Variants in EDA observed in about 807,000 individuals in gnomAD.
EDA encodes ectodysplasin A, also known as ectodysplasin-A.
EDA carries 2 observed loss-of-function variants against 23.6 expected under a neutral mutation model. That is an observed-to-expected ratio of 0.08 (90% CI 0.03 to 0.27). EDA has a LOEUF of 0.27. EDA is among the 10% of genes least tolerant of loss of function. EDA has a pLI of 1.00. For missense variants in EDA, 229 were observed against 324.2 expected (o/e 0.71, Z 2.26); for synonymous variants, 131 against 132.0 (o/e 0.99, Z 0.05).
At chrX:69,664,403 A>G (rs774377493) in intron 1 of EDA, among the ~76,000 whole-genome samples, 1 of 111,686 alleles carries the variant, frequency 9.0e-6, no homozygotes, top group Non-Finnish European at 1.9e-5. Flanking sequence ...GCTGCCATGT[A>G]AGACATGTCT....
intron 1 of EDA, among the ~76,000 whole-genome samples, chrX:69,862,462 T>G (rs1403579895): frequency 9.0e-6 from 1 of 111,623 alleles, no homozygotes; most frequent in Non-Finnish European, 1.9e-5. Flanking sequence ...CATATTTTCT[T>G]GAGACAGAGT....
At chrX:69,666,116 T>C (rs936460905) in intron 1 of EDA, among the ~76,000 whole-genome samples, 8 of 112,425 alleles carry the variant, frequency 7.1e-5, no homozygotes, top group African/African-American at 2.6e-4. Context: ...ATTATTTTTG[T>C]ATAAAAATGT....
intron 1 of EDA, among the ~76,000 whole-genome samples, chrX:69,892,364 G>A (rs1166376975): frequency 9.0e-6 from 1 of 111,435 alleles, no homozygotes; most frequent in Non-Finnish European, 1.9e-5. Context: ...TGCTTCTTGA[G>A]GTGTATTTTA....
intron 2 of EDA, among the ~76,000 whole-genome samples, chrX:70,015,581 TAAAAA>T (rs954059867): frequency 1.8e-5 from 2 of 109,357 alleles, no homozygotes; most frequent in African/African-American, 6.7e-5. Context: ...TAAACAACAA[TAAAAA>T]AAAGAAACTC....
At chrX:69,649,589 CTT>C (rs34800169) in intron 1 of EDA, among the ~76,000 whole-genome samples, 29 of 98,634 alleles carry the variant, frequency 2.9e-4, no homozygotes, top group African/African-American at 3.7e-4. Context: ...GAAATACAGT[CTT>C]TTTTTTTTTT....
At chrX:69,788,966 C>A (rs756413646) in intron 1 of EDA, among the ~76,000 whole-genome samples, 2 of 111,926 alleles carry the variant, frequency 1.8e-5, no homozygotes, top group South Asian at 3.8e-4. Context: ...TAGGACCCTC[C>A]GAGCCAGGTG....
At chrX:69,841,179 T>A (rs2016887886) in intron 1 of EDA, among the ~76,000 whole-genome samples, 1 of 112,095 alleles carries the variant, frequency 8.9e-6, no homozygotes, top group Non-Finnish European at 1.9e-5. Flanking sequence ...AAATAAATAA[T>A]GTATCTAAAA....
chrX:69,801,632 T>C (rs1602422845), intron 1 of EDA, among the ~76,000 whole-genome samples: 1 of 112,092 alleles, frequency 8.9e-6, no homozygotes, highest in Non-Finnish European at 1.9e-5. Context: ...AAGGGATTGT[T>C]ACCAAGAATA....
intron 1 of EDA, among the ~76,000 whole-genome samples, chrX:69,904,679 A>C (rs2018152757): frequency 9.0e-6 from 1 of 111,170 alleles, no homozygotes; most frequent in Non-Finnish European, 1.9e-5. Context: ...CACCCTCCCC[A>C]CTAGCCTTCC....
At chrX:69,980,469 G>A (rs944260374) in intron 2 of EDA, among the ~76,000 whole-genome samples, 3 of 112,193 alleles carry the variant, frequency 2.7e-5, no homozygotes, top group Non-Finnish European at 3.8e-5. Flanking sequence ...ACAAAATACT[G>A]TAGCAAAAGA....
chrX:69,869,524 T>C (rs1290534637), intron 1 of EDA, among the ~76,000 whole-genome samples: 1 of 111,506 alleles, frequency 9.0e-6, no homozygotes, highest in African/African-American at 3.3e-5. Flanking sequence ...TCCCCTTCAT[T>C]CAAGGGGTTC....
intron 1 of EDA, among the ~76,000 whole-genome samples, chrX:69,651,990 G>A (rs113868329): frequency 3.2e-4 from 35 of 111,004 alleles, no homozygotes; most frequent in South Asian, 2.0e-3. Flanking sequence ...GGGCAAGATC[G>A]TCAGGGCAGA....
chrX:69,722,002 C>G (rs2012601058), intron 1 of EDA, among the ~76,000 whole-genome samples: 1 of 111,171 alleles, frequency 9.0e-6, no homozygotes, highest in African/African-American at 3.3e-5. Context: ...ATTTGCCTCT[C>G]TCTAGACTTC....
At chrX:69,835,854 C>G (rs1425720757) in intron 1 of EDA, among the ~76,000 whole-genome samples, 1 of 111,980 alleles carries the variant, frequency 8.9e-6, no homozygotes, top group Non-Finnish European at 1.9e-5. Context: ...TTGGTTTTAT[C>G]TACCTTTGGT....
At chrX:69,711,670 A>C (rs1444128863) in intron 1 of EDA, among the ~76,000 whole-genome samples, 6 of 110,985 alleles carry the variant, frequency 5.4e-5, no homozygotes, top group African/African-American at 1.3e-4. Context: ...TCAATTTCAG[A>C]TCCTGTTATT....
At chrX:69,676,484 C>CTG (rs372593855) in intron 1 of EDA, among the ~76,000 whole-genome samples, 8,920 of 106,292 alleles carry the variant, frequency 0.084, 971 homozygotes, top group East Asian at 0.7. Context: ...ATGAGTTTTT[C>CTG]TGTGTGTGTG....
Position 70,036,009 on chromosome X carries a change from G to A in EDA, c.*400G>A. The A allele has an allele frequency of 5.3e-6, 1 of 190,311 alleles. No homozygotes were observed. The highest frequency in any genetic ancestry group is 9.7e-6 in the Non-Finnish European group (1 of 103,516). 15.7% of individuals were successfully genotyped at this position (190,311 alleles called of 1,213,427 possible). A position where few individuals can be genotyped will look rare whatever the true frequency, so the allele number is the denominator to read the frequency against. On this transcript the variant is annotated 3_prime_UTR_variant, in exon 8 of 8. Coordinates refer to ENST00000374552, the MANE Select transcript of EDA (RefSeq NM_001399.5). Reference sequence around the variant, plus strand: ...GGGGGTGGACATCTGACCCCAAGGGGGCTGCTGCTCCTCTCTTGGGTAGGG... The same window carrying A: ...GGGGGTGGACATCTGACCCCAAGGGAGCTGCTGCTCCTCTCTTGGGTAGGG...
intron 1 of EDA, among the ~76,000 whole-genome samples, chrX:69,722,105 C>T (rs948942751): frequency 1.8e-5 from 2 of 111,959 alleles, no homozygotes; most frequent in African/African-American, 3.2e-5. Context: ...TATCCTAGGA[C>T]GAGTGCTTCT....
At chrX:69,948,811 A>G (rs761111254) in intron 1 of EDA, among the ~76,000 whole-genome samples, 1 of 112,117 alleles carries the variant, frequency 8.9e-6, no homozygotes, top group Non-Finnish European at 1.9e-5. Context: ...ACCCTGAATG[A>G]CCTTCTCTAG....
Sources: gnomAD v4.1 joint callset for allele counts (sites outside exome capture counted in the v4.1 genomes callset) on GRCh38, gnomAD v4.1.1 for gene constraint, MANE v1.5 for transcripts, NCBI Gene and HGNC (gene_info 2026-07-23, HGNC 2026-07-21) for gene names.